ABCC5: variants seen among roughly 807,000 people sequenced by gnomAD.
ABCC5 encodes ATP-binding cassette sub-family C member 5.
Under a neutral mutation model 160.9 loss-of-function variants are expected in ABCC5, and 61 were observed. The ratio of observed to expected loss-of-function variants is 0.38; its 90% confidence interval spans 0.31 to 0.47. ABCC5 has a LOEUF of 0.47. Among genes scored for constraint, ABCC5 ranks in the 20% least tolerant of loss-of-function variants. ABCC5 has a pLI of 0.99. For missense variants in ABCC5, 1,308 were observed against 1,813.3 expected (o/e 0.72, Z 5.06); for synonymous variants, 666 against 700.6 (o/e 0.95, Z 0.78).
chr3:183,945,968 A>G (rs1336808020), intron 23 of ABCC5, 29 bp from the exon 24 acceptor site: 1 of 1,593,368 alleles, frequency 6.3e-7, no homozygotes, highest in Non-Finnish European at 8.6e-7. Context: ...AATCAAAGAG[A>G]TAATTCATTA....
At position 183,949,103 on chromosome 3, in the gene ABCC5, G is replaced by A. The variant is rs79122532; in HGVS notation, c.3227+650C>T. 6.6e-6 allele frequency among the ~76,000 whole-genome samples: 1 copy of A among 152,266 alleles called. No homozygotes were observed. Among genetic ancestry groups the A allele is most frequent in the African/African-American group, 2.4e-5 (1 of 41,548 alleles). On this transcript the variant is annotated intron_variant, in intron 22 of 29. Coordinates refer to ENST00000334444, the MANE Select transcript of ABCC5 (RefSeq NM_005688.4). This position sits in a 1 kb window ranked among gnomAD's most constrained non-coding sequence, Gnocchi z 4.2. Reference sequence around the variant, plus strand: ...TCTGCTGTTTCACTAATATATGCTGGAGATCATTCCCTATCAGTACCTATA... The same window carrying A: ...TCTGCTGTTTCACTAATATATGCTGAAGATCATTCCCTATCAGTACCTATA...
At position 183,946,473 on chromosome 3, in the gene ABCC5, G is replaced by T. The variant is rs567904769; in HGVS notation, c.3415-534C>A. On this transcript the variant is annotated intron_variant, in intron 23 of 29. Coordinates refer to ENST00000334444, the MANE Select transcript of ABCC5 (RefSeq NM_005688.4). ...GCAAAATGTGGCTGGACATCTCGGG[G>T]TATCTGTGAAGACACATATCTCTGG... Among the ~76,000 whole-genome samples the T allele has an allele frequency of 7.3e-4, 111 of 152,118 alleles. 1 individual carries two copies. Among genetic ancestry groups the T allele is most frequent in the Non-Finnish European group, 9.6e-4 (65 of 68,014 alleles).
At chr3:183,937,582 A>G (rs1713861232) in intron 26 of ABCC5, among the ~76,000 whole-genome samples, 2 of 152,198 alleles carry the variant, frequency 1.3e-5, no homozygotes, top group African/African-American at 4.8e-5. Context: ...AAGCATCCCC[A>G]TCTTATGGTT....
chr3:183,937,987 C>T lies in ABCC5; in HGVS notation c.3768G>A (p.Val1256=). ...CGGCAAGGCCAATATCACTGATTCT[C>T]ACTCCATCAATCTTGATGCAGCCTC... The part of the protein sequence containing the change: ...LSGGCIKIDG[V]RISDIGLADL... The change falls in exon 26 of 30, where the codon GTG becomes GTA. Residue 1256 remains valine, a synonymous_variant. Transcript: ENST00000334444. 7 of 1,614,198 alleles carry T rather than the reference C, an allele frequency of 4.3e-6. No homozygotes were observed. The highest frequency in any genetic ancestry group is 5.9e-6 in the Non-Finnish European group (7 of 1,180,036).
At chr3:183,967,593 T>A in intron 12 of ABCC5, 102 bp downstream of exon 12, 1 of 1,029,992 alleles carries the variant, frequency 9.7e-7, no homozygotes, top group Non-Finnish European at 1.5e-6. Context: ...GAGGGTTCAT[T>A]TGTTTCCACC....
chr3:183,951,441 C>T lies in ABCC5; in HGVS notation c.2944G>A (p.Val982Ile). The T allele has an allele frequency of 6.2e-7, 1 of 1,614,056 alleles. No homozygotes were observed. The highest frequency in any genetic ancestry group is 8.5e-7 in the Non-Finnish European group (1 of 1,179,984). Reference sequence around the variant, plus strand: ...TAAAAAAAGGCTCAGTGAGAAATACCTTCATCCATGTCTTTGGAAAACCTG... The same window carrying T: ...TAAAAAAAGGCTCAGTGAGAAATACTTTCATCCATGTCTTTGGAAAACCTG... ...LNRFSKDMDE[V>I]DVRLPFQAEM... The change falls in exon 20 of 30, where the codon GTT (valine) becomes ATT (isoleucine). Residue 982 changes from valine to isoleucine, a missense_variant and splice_region_variant. Around this residue, in one of 3 missense-constraint regions of ABCC5, gnomAD observed 1,142 missense variants for 1,527.1 expected, o/e 0.75. Transcript: ENST00000334444. The surrounding 1 kb of genome is among the most constrained non-coding windows in gnomAD (Gnocchi z 4.7).
chr3:183,960,285 T>A (rs761940060), intron 16 of ABCC5, among the ~76,000 whole-genome samples: 14 of 152,124 alleles, frequency 9.2e-5, no homozygotes, highest in Non-Finnish European at 1.6e-4. Flanking sequence ...TCCTCTCCCA[T>A]CTCACTGGTG....
At position 183,971,680 on chromosome 3, in the gene ABCC5, G is replaced by A. The variant is rs1560020464; in HGVS notation, c.1644C>T (p.His548=). 1 of 1,614,192 alleles carries A rather than the reference G, an allele frequency of 6.2e-7. No individual in the cohort carries two copies. The highest frequency in any genetic ancestry group is 2.2e-5 in the East Asian group (1 of 44,880). The change falls in exon 11 of 30, where the codon CAC becomes CAT. Residue 548 remains histidine, a synonymous_variant. Coordinates refer to ENST00000334444, the MANE Select transcript of ABCC5 (RefSeq NM_005688.4). ...GCCGCTCGTCACTGTCCAGGAGGAG[G>A]TGGCCTTTCTGCTCTGCCAGCACCG... ...HQAVLAEQKG[H]LLLDSDERPS...
Position 183,971,695 on chromosome 3 carries a change from T to G in ABCC5, c.1629A>C (p.Ala543=), listed in dbSNP as rs752580880. 1 of 1,614,116 alleles carries G rather than the reference T, an allele frequency of 6.2e-7. No individual in the cohort carries two copies. Among genetic ancestry groups the G allele is most frequent in the Non-Finnish European group, 8.5e-7 (1 of 1,180,048 alleles). The change falls in exon 11 of 30, where the codon GCA becomes GCC. Residue 543 remains alanine (A), a synonymous_variant. Coordinates refer to ENST00000334444, the MANE Select transcript of ABCC5 (RefSeq NM_005688.4). Reference sequence around the variant, plus strand: ...CCAGGAGGAGGTGGCCTTTCTGCTCTGCCAGCACCGCCTGATGCTCAGTGC... The same window carrying G: ...CCAGGAGGAGGTGGCCTTTCTGCTCGGCCAGCACCGCCTGATGCTCAGTGC... The part of the protein sequence containing the change: ...LQRTEHQAVL[A]EQKGHLLLDS...
At chr3:183,961,946 A>G (rs1330962335) in intron 15 of ABCC5, among the ~76,000 whole-genome samples, 1 of 152,076 alleles carries the variant, frequency 6.6e-6, no homozygotes, top group Non-Finnish European at 1.5e-5. Context: ...TGTCTGGCTA[A>G]TTTTTTTGTA....
chr3:183,992,216 A>G (rs1295291821), intron 2 of ABCC5, among the ~76,000 whole-genome samples: 1 of 152,220 alleles, frequency 6.6e-6, no homozygotes, highest in Non-Finnish European at 1.5e-5. Flanking sequence ...ATGTAAGTGA[A>G]AGAAAACATC....
intron 25 of ABCC5, among the ~76,000 whole-genome samples, chr3:183,939,687 G>A (rs1450795838): frequency 6.6e-6 from 1 of 152,154 alleles, no homozygotes; most frequent in Non-Finnish European, 1.5e-5. Flanking sequence ...TGTGTCAAAG[G>A]ATATAAACAT....
rs539483761 is a variant in ABCC5, at chr3:183,954,158, T to G, written c.2483-888A>C. 4.0e-5 allele frequency among the ~76,000 whole-genome samples: 6 copies of G among 151,652 alleles called. No homozygotes were observed. In the East Asian group the frequency reaches 7.8e-4, roughly 20 times the overall value. ...TTGGTCTCATGTTTTGTGTGTGTGT[T>G]TTTTTTTGAGATAGAGTCTCACTCT... On this transcript the variant is annotated intron_variant, in intron 17 of 29. Transcript: ENST00000334444.
At chr3:184,001,944 C>T (rs2108899839) in intron 2 of ABCC5, among the ~76,000 whole-genome samples, 2 of 152,320 alleles carry the variant, frequency 1.3e-5, no homozygotes, top group South Asian at 4.1e-4. Flanking sequence ...GGGAAAAATA[C>T]TGGCAGATCC....
intron 29 of ABCC5, among the ~76,000 whole-genome samples, chr3:183,924,267 G>A (rs1393115380): frequency 5.3e-5 from 8 of 151,968 alleles, no homozygotes; most frequent in Non-Finnish European, 7.4e-5. Context: ...CAATCTGCCC[G>A]CCTCGGCCTC....
chr3:183,967,554 C>T (rs372190097), intron 12 of ABCC5, 141 bp downstream of exon 12: 46 of 737,622 alleles, frequency 6.2e-5, no homozygotes, highest in Middle Eastern at 2.9e-4. Context: ...GGGGGAACTG[C>T]GGGGGATTGG....
rs201342728 is a variant in ABCC5 at position 183,944,738 on chromosome 3, C to CT, written c.3504+1111dup. Among the ~76,000 whole-genome samples the CT allele has an allele frequency of 7.3e-5, 11 of 151,492 alleles. No homozygotes were observed. The East Asian group carries it at 1.4e-3, about 19-fold the overall frequency. ...ATATTATGAGACTTTTTTTTGCCAT[C>CT]TTTTTTTTTAAGCTCATCAGCTATC... On this transcript the variant is annotated intron_variant, in intron 24 of 29. Coordinates refer to ENST00000334444, the MANE Select transcript of ABCC5 (RefSeq NM_005688.4).
rs373940991 is a variant in ABCC5 at position 183,952,505 on chromosome 3, T to C, written c.2668-502A>G. 1.6e-4 allele frequency among the ~76,000 whole-genome samples: 25 copies of C among 152,308 alleles called. No homozygotes were observed. In the East Asian group the frequency reaches 2.9e-3, roughly 18 times the overall value. ...GCTTTGTGTCCCCACCCAAAGCTCA[T>C]CTTGAATTGTAATTCCCAGGTGTTG... On this transcript the variant is annotated intron_variant, in intron 18 of 29. Coordinates refer to ENST00000334444, the MANE Select transcript of ABCC5 (RefSeq NM_005688.4).
At position 183,949,413 on chromosome 3, in the gene ABCC5, C is replaced by T. The variant is rs1373956649; in HGVS notation, c.3227+340G>A. ...AGACTCCTAATCTGTGGGGTTTGTT[C>T]CTTGTATTTTGTTTTGAGATGGGGT... On this transcript the variant is annotated intron_variant, in intron 22 of 29. Coordinates refer to ENST00000334444, the MANE Select transcript of ABCC5 (RefSeq NM_005688.4). The surrounding 1 kb of genome is among the most constrained non-coding windows in gnomAD (Gnocchi z 4.2). 6.6e-6 allele frequency among the ~76,000 whole-genome samples: 1 copy of T among 152,164 alleles called. No homozygotes were observed. Among genetic ancestry groups the T allele is most frequent in the East Asian group, 1.9e-4 (1 of 5,170 alleles).
Sources: gnomAD v4.1 joint callset for allele counts (sites outside exome capture counted in the v4.1 genomes callset) on GRCh38, gnomAD v4.1.1 for gene constraint, gnomAD v4.1.1 regional missense constraint, Gnocchi (gnomAD v3.1) non-coding constraint, MANE v1.5 for transcripts, NCBI Gene and HGNC (gene_info 2026-07-23, HGNC 2026-07-21) for gene names.